HELZ: variants seen among roughly 807,000 people sequenced by gnomAD.
HELZ encodes ATP-dependent RNA helicase with zinc finger domain.
In HELZ, 23 loss-of-function variants were observed where a neutral mutation model predicts 218.2. The observed-to-expected ratio is 0.11, with a 90% CI of 0.08 to 0.15. The LOEUF (loss-of-function observed/expected upper bound fraction) is 0.15. HELZ is among the 10% of genes least tolerant of loss of function. The pLI is 1.00. For missense variants in HELZ, 1,813 were observed against 2,353.7 expected (o/e 0.77, Z 4.75); for synonymous variants, 814 against 829.4 (o/e 0.98, Z 0.32).
At chr17:67,169,005 T>A (rs1183656327) in intron 13 of HELZ, among the ~76,000 whole-genome samples, 6 of 151,820 alleles carry the variant, frequency 4.0e-5, no homozygotes, top group African/African-American at 1.5e-4. Flanking sequence ...GGCAGGAAAA[T>A]CACTTGAACC....
At chr17:67,096,192 A>C (rs181389463) in intron 31 of HELZ, among the ~76,000 whole-genome samples, 1,627 of 148,736 alleles carry the variant, frequency 0.011, 17 homozygotes, top group South Asian at 0.018. Flanking sequence ...GGTTTAAAAC[A>C]TGGGTTAAAC....
chr17:67,220,155 T>A (rs9903264), intron 3 of HELZ, among the ~76,000 whole-genome samples: 1 of 152,308 alleles, frequency 6.6e-6, no homozygotes, highest in Middle Eastern at 3.4e-3. Flanking sequence ...TCTCGGCTTT[T>A]ATAATGACAC....
chr17:67,086,615 A>AATAAATATAAATATAAATATAAAT (rs937505131), intron 32 of HELZ, among the ~76,000 whole-genome samples: 1 of 100,212 alleles, frequency 1.0e-5, no homozygotes, highest in African/African-American at 4.3e-5. Context: ...TATATATATA[A>AATAAATATAAATATAAATATAAAT]ATAAATATAA....
intron 3 of HELZ, chr17:67,224,565 C>A: frequency 2.3e-6 from 1 of 439,612 alleles, no homozygotes; most frequent in Non-Finnish European, 4.2e-6. Context: ...AGTGTATACA[C>A]GATTATTAAT....
At chr17:67,146,418 C>G (rs2144015555) in intron 20 of HELZ, among the ~76,000 whole-genome samples, 1 of 152,270 alleles carries the variant, frequency 6.6e-6, no homozygotes, top group Non-Finnish European at 1.5e-5. Context: ...AACCTAGGAG[C>G]CAACAGGCCA....
intron 10 of HELZ, 73 bp downstream of exon 10, chr17:67,190,084 A>G (rs1396070238): frequency 1.6e-6 from 2 of 1,259,602 alleles, no homozygotes; most frequent in East Asian, 2.3e-5. Context: ...ACCAAAATAG[A>G]GCACACAATA....
intron 17 of HELZ, among the ~76,000 whole-genome samples, chr17:67,151,819 T>C (rs1339207690): frequency 6.6e-6 from 1 of 152,180 alleles, no homozygotes; most frequent in African/African-American, 2.4e-5. Context: ...AAGAAAAATA[T>C]TAATAGGCCT....
rs2037145130 is a variant in HELZ at position 67,107,558 on chromosome 17, C to T, written c.4852G>A (p.Val1618Ile). ...TCTGTACTGGATGGGGGAGATGGGA[C>T]TGCTGGTGGGCTTCTACTCTGTACT... ...RQVQSRSPPA[V>I]PSPPSSTDHS... Residue 1618 changes from valine to isoleucine, a missense_variant, in exon 31 of 33, where the codon GTC becomes ATC. Around this residue, in one of 4 missense-constraint regions of HELZ, gnomAD observed 938 missense variants for 1,027.5 expected, o/e 0.91. Coordinates refer to ENST00000358691, the MANE Select transcript of HELZ (RefSeq NM_014877.4). 6.2e-7 allele frequency: 1 copy of T among 1,613,986 alleles called. No homozygotes were observed. The highest frequency in any genetic ancestry group is 1.3e-5 in the African/African-American group (1 of 74,904).
At position 67,128,508 on chromosome 17, in the gene HELZ, A is replaced by G. The variant is rs779931518; in HGVS notation, c.3387+143T>C. On this transcript the variant is annotated intron_variant, in intron 24 of 32. Transcript: ENST00000358691. ...ATTTTCACTTACATGTCCACACTAA[A>G]CAAGCTCCTTGCAGAAACCGCTTGC... 6 of 721,320 alleles carry G rather than the reference A, an allele frequency of 8.3e-6. No individual in the cohort carries two copies. The South Asian group carries it at 9.9e-5, about 12-fold the overall frequency. The allele number at this position is 721,320 out of a possible 1,614,324, so 44.7% of individuals were successfully genotyped here.
intron 3 of HELZ, among the ~76,000 whole-genome samples, chr17:67,220,239 A>G (rs1372675019): frequency 2.0e-5 from 3 of 152,172 alleles, no homozygotes; most frequent in Admixed American, 6.6e-5. Flanking sequence ...TGAGGGGAGA[A>G]AAGTCATTGA....
chr17:67,218,927 T>G, intron 3 of HELZ, 105 bp from the exon 4 acceptor site: 1 of 727,190 alleles, frequency 1.4e-6, no homozygotes, highest in Non-Finnish European at 2.3e-6. Context: ...CTGAATACTC[T>G]CAGCTAGCCT....
In HELZ at chr17:67,074,269, G is replaced by A. The variant is rs2035964575; in HGVS notation, c.*3983C>T. The A allele has an allele frequency of 6.7e-6, 1 of 149,514 alleles. No homozygotes were observed. Among genetic ancestry groups the A allele is most frequent in the Non-Finnish European group, 1.5e-5 (1 of 67,578 alleles). The allele number at this position is 149,514 out of a possible 1,614,324, so 9.3% of individuals were successfully genotyped here. On this transcript the variant is annotated 3_prime_UTR_variant, in exon 33 of 33. Transcript: ENST00000358691. The stretch of plus-strand genomic sequence containing the variant: ...CTGGAGGGAAAAAAAAAAACACAAT[G>A]GCTAGCTTACATGACATTTGAAAGC...
At chr17:67,148,471 G>T in intron 20 of HELZ, 98 bp downstream of exon 20, 1 of 980,744 alleles carries the variant, frequency 1.0e-6, no homozygotes, top group Non-Finnish European at 1.5e-6. Context: ...ATGTAAGTGT[G>T]TTGGGAATCA....
At chr17:67,207,210 C>CCTTT (rs2040326500) in intron 5 of HELZ, among the ~76,000 whole-genome samples, 1 of 125,270 alleles carries the variant, frequency 8.0e-6, no homozygotes, top group Non-Finnish European at 1.6e-5. Context: ...CCACGCCCGG[C>CCTTT]CTTTTTTTTT....
intron 3 of HELZ, among the ~76,000 whole-genome samples, chr17:67,226,708 C>T (rs901788001): frequency 1.3e-5 from 2 of 152,098 alleles, no homozygotes; most frequent in African/African-American, 4.8e-5. Context: ...ATGTTCATAA[C>T]AGTTCTATTC....
intron 3 of HELZ, among the ~76,000 whole-genome samples, chr17:67,226,302 C>A (rs2040890935): frequency 7.0e-6 from 1 of 143,850 alleles, no homozygotes; most frequent in Admixed American, 6.9e-5. Context: ...GAACTCCCAA[C>A]AGTCAACAAT....
intron 21 of HELZ, among the ~76,000 whole-genome samples, chr17:67,144,385 G>C (rs962764571): frequency 2.0e-5 from 3 of 151,524 alleles, no homozygotes; most frequent in African/African-American, 7.3e-5. Context: ...TGAAAGTCAA[G>C]GTGGTTTGAA....
chr17:67,128,655 G>A lies in HELZ; in HGVS notation c.3383C>T (p.Pro1128Leu). ...TTTCATTAACAGAGGCTTTACCTTG[G>A]GTGGTGATTGCTGCTGTTTGTTGGT... is the stretch of plus-strand genomic sequence containing the variant. ...GSTNKQQQSP[P>L]KGKSLHHTQN... Residue 1128 changes from proline to leucine, a missense_variant, in exon 24 of 33, where the codon CCC (proline) becomes CTC (leucine). By Grantham distance (98) the Pro-to-Leu change is moderately conservative. Around this residue, in one of 4 missense-constraint regions of HELZ, gnomAD observed 938 missense variants for 1,027.5 expected, o/e 0.91. Coordinates refer to ENST00000358691, the MANE Select transcript of HELZ (RefSeq NM_014877.4). The A allele has an allele frequency of 1.2e-6, 2 of 1,613,498 alleles. No homozygotes were observed. Among genetic ancestry groups the A allele is most frequent in the Non-Finnish European group, 1.7e-6 (2 of 1,179,476 alleles).
At chr17:67,205,379 T>G (rs1567890322) in intron 5 of HELZ, among the ~76,000 whole-genome samples, 1 of 151,990 alleles carries the variant, frequency 6.6e-6, no homozygotes, top group East Asian at 1.9e-4. Flanking sequence ...AAGGTATGGA[T>G]TAGTTACATC....
Sources: gnomAD v4.1 joint callset for allele counts (sites outside exome capture counted in the v4.1 genomes callset) on GRCh38, gnomAD v4.1.1 for gene constraint, gnomAD v4.1.1 regional missense constraint, MANE v1.5 for transcripts, NCBI Gene and HGNC (gene_info 2026-07-23, HGNC 2026-07-21) for gene names.